Variants in LRMDA observed in about 807,000 individuals in gnomAD.
LRMDA encodes leucine rich melanocyte differentiation associated.
In LRMDA, 18 loss-of-function variants were observed where a neutral mutation model predicts 29.8. That is an observed-to-expected ratio of 0.60 (90% CI 0.42 to 0.90). The LOEUF (loss-of-function observed/expected upper bound fraction) is 0.90, where lower values mean the gene tolerates loss of function less well. Among genes scored for constraint, LRMDA ranks in the 40% least tolerant of loss-of-function variants. LRMDA has a pLI of 0.00. For synonymous variants in LRMDA, 125 were observed against 109.4 expected (o/e 1.14, Z -0.89); for missense variants, 273 against 273.9 (o/e 1.00, Z 0.02).
At chr10:75,846,371 A>G (rs183032257) in intron 2 of LRMDA, among the ~76,000 whole-genome samples, 532 of 152,282 alleles carry the variant, frequency 3.5e-3, no homozygotes, top group Non-Finnish European at 3.8e-3. Context: ...AAGCCAAATA[A>G]TGAGAAAAGT....
intron 2 of LRMDA, among the ~76,000 whole-genome samples, chr10:75,738,353 C>G (rs576873721): frequency 1.3e-5 from 2 of 152,262 alleles, no homozygotes; most frequent in East Asian, 3.9e-4. Context: ...CTCTGCCACT[C>G]TTTGGTTTCA....
At chr10:75,660,580 C>T (rs2132134275) in intron 2 of LRMDA, among the ~76,000 whole-genome samples, 1 of 152,242 alleles carries the variant, frequency 6.6e-6, no homozygotes, top group East Asian at 1.9e-4. Flanking sequence ...ACATGAAAGG[C>T]AGCGAGAAAC....
intron 5 of LRMDA, among the ~76,000 whole-genome samples, chr10:76,204,296 C>G (rs538775290): frequency 1.6e-3 from 236 of 151,368 alleles, no homozygotes; most frequent in African/African-American, 5.4e-3. Flanking sequence ...TGCCTGTCCA[C>G]CCATCTCTAT....
At chr10:76,217,046 C>T (rs1851741282) in intron 5 of LRMDA, among the ~76,000 whole-genome samples, 1 of 151,912 alleles carries the variant, frequency 6.6e-6, no homozygotes, top group African/African-American at 2.4e-5. Flanking sequence ...ATACCAGATG[C>T]ATTTAAACAA....
chr10:75,621,049 C>G (rs909713798), intron 2 of LRMDA, among the ~76,000 whole-genome samples: 10 of 152,154 alleles, frequency 6.6e-5, no homozygotes, highest in Non-Finnish European at 1.3e-4. Context: ...TTTGTGTCCT[C>G]GTAGCTTAGC....
chr10:76,353,048 C>A (rs1421848099), intron 6 of LRMDA, among the ~76,000 whole-genome samples: 1 of 152,100 alleles, frequency 6.6e-6, no homozygotes, highest in Non-Finnish European at 1.5e-5. Flanking sequence ...TTCCTGTCTA[C>A]AGATTCACCT....
chr10:76,079,710 A>T (rs1332126452), intron 5 of LRMDA, among the ~76,000 whole-genome samples: 1 of 152,258 alleles, frequency 6.6e-6, no homozygotes, highest in Admixed American at 6.5e-5. Context: ...CTTCCAGGAC[A>T]TCAGAAGCTA....
intron 2 of LRMDA, among the ~76,000 whole-genome samples, chr10:75,570,805 G>A (rs1840429096): frequency 6.6e-6 from 1 of 152,186 alleles, no homozygotes; most frequent in Non-Finnish European, 1.5e-5. Flanking sequence ...TCTGTAAAAT[G>A]TGGGAATCAT....
intron 2 of LRMDA, among the ~76,000 whole-genome samples, chr10:75,849,088 T>G (rs1321187523): frequency 6.6e-6 from 1 of 152,126 alleles, no homozygotes; most frequent in Non-Finnish European, 1.5e-5. Flanking sequence ...TGGCTCCAAC[T>G]CCTCCTATAG....
chr10:75,703,359 C>T (rs562854549), intron 2 of LRMDA, among the ~76,000 whole-genome samples: 1 of 152,160 alleles, frequency 6.6e-6, no homozygotes, highest in Non-Finnish European at 1.5e-5. Context: ...GCAGATCTGC[C>T]GATCTGAGAG....
intron 2 of LRMDA, among the ~76,000 whole-genome samples, chr10:75,443,362 A>G (rs1287904355): frequency 6.6e-6 from 1 of 152,042 alleles, no homozygotes; most frequent in East Asian, 1.9e-4. Context: ...TATTATGTTG[A>G]GGTAGATTCA....
intron 5 of LRMDA, among the ~76,000 whole-genome samples, chr10:76,254,073 A>G (rs1308155581): frequency 1.3e-5 from 2 of 152,150 alleles, no homozygotes; most frequent in Non-Finnish European, 2.9e-5. Context: ...CATGGTTTTC[A>G]TAAGTGACTT....
chr10:75,806,979 T>C (rs571497770), intron 2 of LRMDA, among the ~76,000 whole-genome samples: 2 of 152,218 alleles, frequency 1.3e-5, no homozygotes, highest in Admixed American at 6.5e-5. Context: ...CTCAGTAAAT[T>C]TCAGGGTAGC....
At chr10:76,054,368 A>C (rs1387837128) in intron 4 of LRMDA, among the ~76,000 whole-genome samples, 2 of 152,096 alleles carry the variant, frequency 1.3e-5, no homozygotes, top group African/African-American at 4.8e-5. Flanking sequence ...CGATTGTATA[A>C]GAAGAGTGAT....
Position 75,539,522 on chromosome 10 carries a change from T to G in LRMDA, c.131+101028T>G, listed in dbSNP as rs541505975. Among the ~76,000 whole-genome samples, 53 of 152,292 alleles carry G rather than the reference T, an allele frequency of 3.5e-4. No individual in the cohort carries two copies. In the South Asian group the frequency reaches 0.011, roughly 32 times the overall value. ...CTCTTTCCTTTGCACATTATAAGCC[T>G]CGGTTTGGTGCACTCTTATTTTAAA... On this transcript the variant is annotated intron_variant, in intron 2 of 6. Transcript: ENST00000611255.
chr10:76,526,126 TG>T (rs1843172051), intron 6 of LRMDA, among the ~76,000 whole-genome samples: 1 of 152,342 alleles, frequency 6.6e-6, no homozygotes, highest in South Asian at 2.1e-4. Context: ...CACTCAAATA[TG>T]TGTGTTCTGT....
intron 5 of LRMDA, among the ~76,000 whole-genome samples, chr10:76,314,159 A>G (rs1473749185): frequency 1.3e-5 from 2 of 152,248 alleles, no homozygotes; most frequent in Non-Finnish European, 2.9e-5. Flanking sequence ...TCTATAAATA[A>G]GCAATTATAT....
intron 2 of LRMDA, among the ~76,000 whole-genome samples, chr10:75,556,241 T>C (rs1274093107): frequency 1.3e-5 from 2 of 151,256 alleles, no homozygotes; most frequent in Admixed American, 6.6e-5. Context: ...GAAAAAAAAA[T>C]CAAGATTGAA....
chr10:76,397,360 C>T (rs929262032), intron 6 of LRMDA, among the ~76,000 whole-genome samples: 5 of 152,166 alleles, frequency 3.3e-5, no homozygotes, highest in African/African-American at 1.2e-4. Context: ...AGCTTCAGGC[C>T]AGCCAGGGAA....
Sources: allele counts gnomAD v4.1 joint callset (sites outside exome capture counted in the v4.1 genomes callset), GRCh38; gene constraint gnomAD v4.1.1; transcripts MANE v1.5; gene names NCBI Gene and HGNC (gene_info 2026-07-23, HGNC 2026-07-21).